The following SPATA13 variants were observed in gnomAD, a reference collection of about 807,000 sequenced individuals.
The protein encoded by SPATA13 is spermatogenesis associated 13.
In SPATA13, 50 loss-of-function variants were observed where a neutral mutation model predicts 104.0. The observed-to-expected ratio is 0.48, with a 90% CI of 0.38 to 0.61. The LOEUF (loss-of-function observed/expected upper bound fraction) is 0.61, where lower values mean the gene tolerates loss of function less well. Among genes scored for constraint, SPATA13 ranks in the 20% least tolerant of loss-of-function variants. SPATA13 has a pLI of 0.00. For synonymous variants in SPATA13, 606 were observed against 667.5 expected (o/e 0.91, Z 1.42); for missense variants, 1,524 against 1,690.6 (o/e 0.90, Z 1.73).
At chr13:24,097,612 A>G (rs1880123828) in intron 3 of SPATA13, among the ~76,000 whole-genome samples, 1 of 152,228 alleles carries the variant, frequency 6.6e-6, no homozygotes, top group Admixed American at 6.5e-5. Context: ...CAGCAAAACT[A>G]GGTGCAAGAT....
intron 3 of SPATA13, among the ~76,000 whole-genome samples, chr13:24,061,584 T>C (rs1878773716): frequency 6.6e-6 from 1 of 152,220 alleles, no homozygotes; most frequent in Admixed American, 6.5e-5. Context: ...TGGATGGAGC[T>C]GGAAGCCATT....
chr13:24,202,352 A>G (rs1870459448), intron 1 of SPATA13, among the ~76,000 whole-genome samples: 1 of 151,962 alleles, frequency 6.6e-6, no homozygotes, highest in South Asian at 2.1e-4. Flanking sequence ...CACACCGAGT[A>G]GATGGCCCAG....
intron 3 of SPATA13, among the ~76,000 whole-genome samples, chr13:24,118,745 C>T (rs996346039): frequency 2.0e-5 from 3 of 152,132 alleles, no homozygotes; most frequent in Admixed American, 6.5e-5. Flanking sequence ...CCATCTGCAG[C>T]CCTGGTGTGG....
intron 3 of SPATA13, among the ~76,000 whole-genome samples, chr13:24,136,797 A>G (rs1239154024): frequency 6.6e-6 from 1 of 152,214 alleles, no homozygotes; most frequent in Non-Finnish European, 1.5e-5. Context: ...TGAATTGTGG[A>G]TGCAAATTTG....
chr13:24,098,781 G>T (rs1880164386), intron 3 of SPATA13, among the ~76,000 whole-genome samples: 1 of 151,748 alleles, frequency 6.6e-6, no homozygotes. Context: ...ACAAAAATTA[G>T]CTGGGCATTT....
At chr13:24,193,209 A>C (rs1226737725) in intron 1 of SPATA13, among the ~76,000 whole-genome samples, 1 of 152,084 alleles carries the variant, frequency 6.6e-6, no homozygotes, top group Non-Finnish European at 1.5e-5. Flanking sequence ...AAGTGAGTAC[A>C]CTGAGGGGGA....
chr13:24,292,063 G>C lies in SPATA13; in HGVS notation c.3080+1179G>C, dbSNP rs139239153. ...GAGCCACCGCGCCCGGCCTCTCTCT[G>C]TCTTTATTATCTGCCTTGGTTGTTT... On this transcript the variant is annotated intron_variant, in intron 9 of 12. Transcript: ENST00000382108. 3.2e-3 allele frequency among the ~76,000 whole-genome samples: 493 copies of C among 152,140 alleles called. 2 individuals carry two copies. The highest frequency in any genetic ancestry group is 0.011 in the African/African-American group (466 of 41,414).
intron 3 of SPATA13, among the ~76,000 whole-genome samples, chr13:24,111,580 A>AT (rs531805881): frequency 3.5e-4 from 53 of 152,134 alleles, no homozygotes; most frequent in African/African-American, 1.2e-3. Flanking sequence ...GCTAACTTGT[A>AT]TTTTTTGTAG....
intron 1 of SPATA13, among the ~76,000 whole-genome samples, chr13:24,199,735 G>A (rs148259209): frequency 1.0e-3 from 159 of 152,304 alleles, no homozygotes; most frequent in African/African-American, 3.6e-3. Flanking sequence ...TTTTCAATAG[G>A]CGCATAACAG....
chr13:24,251,286 T>C (rs1049395352), intron 3 of SPATA13, among the ~76,000 whole-genome samples: 3 of 152,212 alleles, frequency 2.0e-5, no homozygotes, highest in African/African-American at 7.2e-5. Flanking sequence ...TGAAGAAGGA[T>C]GTGAGGATCA....
At chr13:24,140,423 C>G (rs372551990) in intron 3 of SPATA13, among the ~76,000 whole-genome samples, 61 of 152,304 alleles carry the variant, frequency 4.0e-4, no homozygotes, top group African/African-American at 1.4e-3. Context: ...AGTAATTCAT[C>G]TATAGAGTTT....
intron 2 of SPATA13, among the ~76,000 whole-genome samples, chr13:24,247,260 G>A (rs879332626): frequency 6.6e-6 from 1 of 152,130 alleles, no homozygotes; most frequent in Non-Finnish European, 1.5e-5. Flanking sequence ...AACCTGCACG[G>A]GATTGTCTTT....
intron 3 of SPATA13, among the ~76,000 whole-genome samples, chr13:24,052,283 A>G (rs1194445072): frequency 6.6e-6 from 1 of 152,172 alleles, no homozygotes; most frequent in East Asian, 1.9e-4. Flanking sequence ...TCAGGATTAT[A>G]ATCCCAGCAA....
At chr13:24,198,035 G>T (rs750557671) in intron 1 of SPATA13, among the ~76,000 whole-genome samples, 4 of 151,918 alleles carry the variant, frequency 2.6e-5, no homozygotes, top group Non-Finnish European at 4.4e-5. Context: ...TAGTTCTGTC[G>T]CCCAGGCTGG....
At chr13:24,092,323 A>T (rs1879936214) in intron 3 of SPATA13, among the ~76,000 whole-genome samples, 6 of 152,234 alleles carry the variant, frequency 3.9e-5, no homozygotes, top group Admixed American at 3.9e-4. Context: ...GTGTGATCAG[A>T]TAAAACACTA....
At chr13:24,232,701 A>G (rs1173779123) in intron 2 of SPATA13, among the ~76,000 whole-genome samples, 1 of 152,132 alleles carries the variant, frequency 6.6e-6, no homozygotes, top group Admixed American at 6.5e-5. Context: ...GACACACAGC[A>G]CCACACCTGG....
At chr13:24,093,557 C>T (rs1457625352) in intron 3 of SPATA13, among the ~76,000 whole-genome samples, 1 of 152,226 alleles carries the variant, frequency 6.6e-6, no homozygotes, top group East Asian at 1.9e-4. Flanking sequence ...AAAGATCAGG[C>T]CCAAAATGCT....
At chr13:24,150,581 T>G (rs1187879186) in intron 3 of SPATA13, among the ~76,000 whole-genome samples, 2 of 152,244 alleles carry the variant, frequency 1.3e-5, no homozygotes, top group African/African-American at 4.8e-5. Flanking sequence ...GCACACAAAT[T>G]TGAGGGCTGG....
rs17364679 is a variant in SPATA13 at position 24,209,366 on chromosome 13, C to T, written c.-111-13453C>T. ...TTTTTGTTGAAACTAGATTGCTGCACTTAAAAGTATGGGGTAAGGGAATTA... is the reference window on the plus strand; with the variant it reads ...TTTTTGTTGAAACTAGATTGCTGCATTTAAAAGTATGGGGTAAGGGAATTA... On this transcript the variant is annotated intron_variant, in intron 1 of 12. Coordinates refer to ENST00000382108, the MANE Select transcript of SPATA13 (RefSeq NM_001166271.3). 4.2e-3 allele frequency among the ~76,000 whole-genome samples: 641 copies of T among 152,242 alleles called. 2 individuals are homozygous for T. Among genetic ancestry groups the T allele is most frequent in the Non-Finnish European group, 7.6e-3 (514 of 68,016 alleles).
Sources: allele counts gnomAD v4.1 joint callset (sites outside exome capture counted in the v4.1 genomes callset), GRCh38; gene constraint gnomAD v4.1.1; transcripts MANE v1.5; gene names NCBI Gene and HGNC (gene_info 2026-07-23, HGNC 2026-07-21).